The following GALNT13 variants were observed in gnomAD, a reference collection of about 807,000 sequenced individuals.
The protein encoded by GALNT13 is polypeptide N-acetylgalactosaminyltransferase 13.
A neutral mutation model predicts 64.2 loss-of-function variants in GALNT13; 28 were observed. That is an observed-to-expected ratio of 0.44 (90% CI 0.32 to 0.60). The LOEUF (loss-of-function observed/expected upper bound fraction) is 0.60. Among genes scored for constraint, GALNT13 ranks in the 20% least tolerant of loss-of-function variants. The pLI, the probability that GALNT13 is intolerant of heterozygous loss-of-function variation, is 0.05. For synonymous variants in GALNT13, 214 were observed against 224.6 expected (o/e 0.95, Z 0.42); for missense variants, 577 against 669.8 (o/e 0.86, Z 1.53).
intron 11 of GALNT13, chr2:154,436,364 G>A (rs535055717): frequency 5.3e-5 from 8 of 152,266 alleles, no homozygotes; most frequent in Admixed American, 1.3e-4. Flanking sequence ...TCTCTGAAAG[G>A]TTCAACAGGT....
At chr2:153,552,827 G>T in the GALNT13 span, among the ~76,000 whole-genome samples, 1 of 152,044 alleles carries the variant, frequency 6.6e-6, no homozygotes, top group South Asian at 2.1e-4. Context: ...TCAGGCATTA[G>T]ATTCTCATAA....
chr2:153,288,243 G>T, the GALNT13 span, among the ~76,000 whole-genome samples: 1 of 152,098 alleles, frequency 6.6e-6, no homozygotes, highest in East Asian at 1.9e-4. Context: ...GTAGTACACA[G>T]ATATTATAAA....
chr2:153,648,760 G>C, the GALNT13 span, among the ~76,000 whole-genome samples: 1 of 151,830 alleles, frequency 6.6e-6, no homozygotes, highest in South Asian at 2.1e-4. Flanking sequence ...TTATATGCTG[G>C]ATTACGTTTA....
At chr2:153,478,600 TC>T in the GALNT13 span, 1 of 1,491,028 alleles carries the variant, frequency 6.7e-7, no homozygotes, top group Non-Finnish European at 8.9e-7. Context: ...GCGGCGCGGG[TC>T]CGAGGGGTGG....
chr2:153,144,993 T>G, the GALNT13 span, among the ~76,000 whole-genome samples: 1 of 152,106 alleles, frequency 6.6e-6, no homozygotes, highest in East Asian at 1.9e-4. Flanking sequence ...GCCATTATTC[T>G]TATAATTAAT....
chr2:153,228,902 C>T, the GALNT13 span, among the ~76,000 whole-genome samples: 1 of 149,492 alleles, frequency 6.7e-6, no homozygotes. Flanking sequence ...AAAGTAGATA[C>T]CGCTTGTAAT....
At chr2:153,647,175 A>G in the GALNT13 span, among the ~76,000 whole-genome samples, 1 of 152,210 alleles carries the variant, frequency 6.6e-6, no homozygotes, top group African/African-American at 2.4e-5. Flanking sequence ...GTGAGATGAT[A>G]TCTCATTGTT....
the GALNT13 span, among the ~76,000 whole-genome samples, chr2:153,541,783 G>A: frequency 1.3e-5 from 2 of 152,090 alleles, no homozygotes; most frequent in African/African-American, 2.4e-5. Flanking sequence ...TTTGTTCAAC[G>A]TATTTCTATA....
the GALNT13 span, among the ~76,000 whole-genome samples, chr2:153,298,925 C>T: frequency 0.022 from 3,372 of 152,192 alleles, 123 homozygotes; most frequent in African/African-American, 0.077. Context: ...GTCACATTTT[C>T]ATAAAGGAAT....
At chr2:153,353,163 G>T in the GALNT13 span, among the ~76,000 whole-genome samples, 1 of 151,934 alleles carries the variant, frequency 6.6e-6, no homozygotes, top group African/African-American at 2.4e-5. Context: ...TTCTCATATA[G>T]ATCATATTCA....
chr2:154,045,980 T>C (rs756596727), intron 3 of GALNT13, among the ~76,000 whole-genome samples: 20 of 152,064 alleles, frequency 1.3e-4, no homozygotes, highest in Non-Finnish European at 2.8e-4. Context: ...TCATTTTTTT[T>C]CCGATCTAGT....
chr2:153,323,062 A>G, the GALNT13 span, among the ~76,000 whole-genome samples: 2 of 152,188 alleles, frequency 1.3e-5, no homozygotes, highest in Admixed American at 1.3e-4. Flanking sequence ...TAGATCCTTA[A>G]GGAGTCGCCA....
intron 3 of GALNT13, among the ~76,000 whole-genome samples, chr2:154,134,019 G>C (rs1574568960): frequency 6.6e-6 from 1 of 152,070 alleles, no homozygotes; most frequent in South Asian, 2.1e-4. Flanking sequence ...GCTACAGCAG[G>C]GGAAAGTACA....
the GALNT13 span, among the ~76,000 whole-genome samples, chr2:153,562,060 C>CTGTG: frequency 0.024 from 2,801 of 118,784 alleles, 70 homozygotes; most frequent in African/African-American, 0.038. Context: ...CTCTCTCTCT[C>CTGTG]TGTGTGTGTG....
the GALNT13 span, among the ~76,000 whole-genome samples, chr2:153,802,652 C>A: frequency 6.6e-6 from 1 of 152,160 alleles, no homozygotes; most frequent in Admixed American, 6.5e-5. Flanking sequence ...AATAACACAT[C>A]CTGAATTATT....
intron 9 of GALNT13, among the ~76,000 whole-genome samples, chr2:154,391,309 G>A (rs1156669425): frequency 6.6e-6 from 1 of 152,162 alleles, no homozygotes; most frequent in South Asian, 2.1e-4. Flanking sequence ...TGTTATCTGG[G>A]TTATATGTAA....
chr2:153,620,414 G>A, the GALNT13 span, among the ~76,000 whole-genome samples: 1 of 151,952 alleles, frequency 6.6e-6, no homozygotes, highest in Non-Finnish European at 1.5e-5. Context: ...GTGAGCCACT[G>A]TGCCCAGCCC....
intron 12 of GALNT13, among the ~76,000 whole-genome samples, chr2:154,445,324 TTTTG>T (rs1272027998): frequency 1.3e-5 from 2 of 151,970 alleles, no homozygotes; most frequent in African/African-American, 4.8e-5. Flanking sequence ...AGCAAAATCA[TTTTG>T]TTTTTGTTTT....
chr2:153,185,720 G>T, the GALNT13 span, among the ~76,000 whole-genome samples: 111 of 152,188 alleles, frequency 7.3e-4, no homozygotes, highest in South Asian at 0.01. Flanking sequence ...ATTTACCCAG[G>T]AATCATTCAG....
Sources: gnomAD v4.1 joint callset for allele counts (sites outside exome capture counted in the v4.1 genomes callset) on GRCh38, gnomAD v4.1.1 for gene constraint, MANE v1.5 for transcripts, NCBI Gene and HGNC (gene_info 2026-07-23, HGNC 2026-07-21) for gene names.